The following DPP10 variants were observed in gnomAD, a reference collection of about 807,000 sequenced individuals.
DPP10 encodes the protein inactive dipeptidyl peptidase 10.
Under a neutral mutation model 120.9 loss-of-function variants are expected in DPP10, and 33 were observed. That is an observed-to-expected ratio of 0.27 (90% CI 0.21 to 0.37). The LOEUF is 0.37. DPP10 is among the 10% of genes least tolerant of loss of function. The pLI is 1.00. For missense variants in DPP10, 816 were observed against 942.8 expected (o/e 0.87, Z 1.76); for synonymous variants, 337 against 326.1 (o/e 1.03, Z -0.36).
At position 114,768,099 on chromosome 2, in the gene DPP10, G is replaced by T. The variant is rs1032842464; in HGVS notation, c.60+325261G>T. ...GCCGAGATTGTGCCACTGCACTCCA[G>T]GTCGGACGACAGAACAAGGCTCTGT... On this transcript the variant is annotated intron_variant, in intron 1 of 25. Transcript: ENST00000410059. Among the ~76,000 whole-genome samples, 16 of 148,244 alleles carry T rather than the reference G, an allele frequency of 1.1e-4. 1 individual carries two copies. The East Asian group carries it at 3.2e-3, about 29-fold the overall frequency.
intron 1 of DPP10, among the ~76,000 whole-genome samples, chr2:115,201,804 A>G (rs2055748108): frequency 6.6e-6 from 1 of 152,132 alleles, no homozygotes; most frequent in Non-Finnish European, 1.5e-5. Flanking sequence ...CCTCAAGAGC[A>G]ATGATTTTGC....
chr2:114,618,860 T>G (rs1382443847), intron 1 of DPP10, among the ~76,000 whole-genome samples: 1 of 151,950 alleles, frequency 6.6e-6, no homozygotes, highest in Non-Finnish European at 1.5e-5. Context: ...TATACATATA[T>G]AAGAGAAAGA....
intron 1 of DPP10, among the ~76,000 whole-genome samples, chr2:114,485,642 G>A (rs1279925884): frequency 6.6e-6 from 1 of 151,886 alleles, no homozygotes; most frequent in African/African-American, 2.4e-5. Flanking sequence ...CATGATCTTT[G>A]ATTAACAGGT....
chr2:114,861,002 T>C (rs1235221437), intron 1 of DPP10, among the ~76,000 whole-genome samples: 1 of 152,208 alleles, frequency 6.6e-6, no homozygotes, highest in Non-Finnish European at 1.5e-5. Context: ...CATGAGGAGC[T>C]AGCCGTTAAA....
At chr2:115,385,556 C>A (rs1448948692) in intron 3 of DPP10, among the ~76,000 whole-genome samples, 1 of 151,938 alleles carries the variant, frequency 6.6e-6, no homozygotes, top group Non-Finnish European at 1.5e-5. Flanking sequence ...GGGGTTTTAC[C>A]ATGTTGGCCA....
intron 5 of DPP10, among the ~76,000 whole-genome samples, chr2:115,669,855 G>C (rs1434257497): frequency 6.6e-6 from 1 of 152,142 alleles, no homozygotes; most frequent in African/African-American, 2.4e-5. Flanking sequence ...CATTGACAAA[G>C]AGTGAAAGAA....
intron 1 of DPP10, among the ~76,000 whole-genome samples, chr2:114,808,961 A>G (rs1033259052): frequency 6.6e-6 from 1 of 152,284 alleles, no homozygotes; most frequent in African/African-American, 2.4e-5. Flanking sequence ...TATTGTGTCT[A>G]TTACCCCTAG....
chr2:115,753,688 T>G (rs1296797140), intron 11 of DPP10, among the ~76,000 whole-genome samples: 6 of 152,150 alleles, frequency 3.9e-5, no homozygotes, highest in African/African-American at 1.4e-4. Flanking sequence ...TTTCTGTAGT[T>G]CAGATAGATC....
rs189589865 is a variant in DPP10 at position 115,545,971 on chromosome 2, G to T, written c.441+19999G>T. ...CCTTGATGCTCAGGGCTTTTCCAAC[G>T]CATTCTTGACCTTGCTAGTTCCGTT... On this transcript the variant is annotated intron_variant, in intron 5 of 25. Coordinates refer to ENST00000410059, the MANE Select transcript of DPP10 (RefSeq NM_020868.6). Among the ~76,000 whole-genome samples, 15 of 152,114 alleles carry T rather than the reference G, an allele frequency of 9.9e-5. No individual in the cohort carries two copies. The East Asian group carries it at 2.5e-3, about 26-fold the overall frequency.
At chr2:114,873,895 T>C (rs755214431) in intron 1 of DPP10, among the ~76,000 whole-genome samples, 4 of 152,094 alleles carry the variant, frequency 2.6e-5, no homozygotes, top group African/African-American at 4.8e-5. Flanking sequence ...AAATAGCACA[T>C]TTCAATGACA....
chr2:115,174,498 A>C (rs1447341305), intron 1 of DPP10, among the ~76,000 whole-genome samples: 5 of 152,240 alleles, frequency 3.3e-5, no homozygotes, highest in African/African-American at 9.6e-5. Context: ...CTTTGATAGC[A>C]GACAGAAATT....
intron 3 of DPP10, among the ~76,000 whole-genome samples, chr2:115,363,634 C>T (rs1440867435): frequency 6.6e-6 from 1 of 152,210 alleles, no homozygotes; most frequent in Non-Finnish European, 1.5e-5. Context: ...TCCTCTTATG[C>T]CTTTCTTCTA....
intron 1 of DPP10, among the ~76,000 whole-genome samples, chr2:114,738,768 C>G (rs564728217): frequency 5.1e-4 from 78 of 152,306 alleles, no homozygotes; most frequent in African/African-American, 1.8e-3. Context: ...GGCTGCTCTG[C>G]CCAAGAGCCA....
chr2:115,672,668 C>CTTTCTT (rs1553475929), intron 5 of DPP10, among the ~76,000 whole-genome samples: 1 of 122,894 alleles, frequency 8.1e-6, no homozygotes, highest in Non-Finnish European at 1.7e-5. Context: ...TTCTTTCTTT[C>CTTTCTT]TCTCTTTCTT....
chr2:115,710,580 A>G (rs1366417652), intron 7 of DPP10, among the ~76,000 whole-genome samples: 1 of 152,134 alleles, frequency 6.6e-6, no homozygotes, highest in Non-Finnish European at 1.5e-5. Context: ...TCATGGATTC[A>G]TAAACAATGT....
chr2:114,485,423 A>G (rs13405042), intron 1 of DPP10, among the ~76,000 whole-genome samples: 18,208 of 150,926 alleles, frequency 0.12, 2,581 homozygotes, highest in African/African-American at 0.35. Flanking sequence ...TATTACACTG[A>G]CTCAGGGAGC....
chr2:115,079,070 G>A (rs207462193), intron 1 of DPP10, among the ~76,000 whole-genome samples: 7 of 152,078 alleles, frequency 4.6e-5, no homozygotes, highest in Non-Finnish European at 8.8e-5. Context: ...ACTCTACACC[G>A]TGCTGGGACT....
intron 1 of DPP10, among the ~76,000 whole-genome samples, chr2:115,196,416 T>G (rs960302841): frequency 6.6e-6 from 1 of 152,206 alleles, no homozygotes; most frequent in Non-Finnish European, 1.5e-5. Flanking sequence ...TTATGAAATA[T>G]TTCATATTTT....
intron 2 of DPP10, among the ~76,000 whole-genome samples, chr2:115,329,426 G>T (rs1260425229): frequency 6.6e-6 from 1 of 151,830 alleles, no homozygotes; most frequent in Admixed American, 6.6e-5. Flanking sequence ...TGAGTCAAAA[G>T]TAGTTCTTGC....
Sources: allele counts gnomAD v4.1 joint callset (sites outside exome capture counted in the v4.1 genomes callset), GRCh38; gene constraint gnomAD v4.1.1; transcripts MANE v1.5; gene names NCBI Gene and HGNC (gene_info 2026-07-23, HGNC 2026-07-21).